KCNH2: variants seen among roughly 807,000 people sequenced by gnomAD.
KCNH2 encodes potassium voltage-gated channel subfamily H member 2, also known as voltage-gated inwardly rectifying potassium channel KCNH2.
Under a neutral mutation model 95.9 loss-of-function variants are expected in KCNH2, and 35 were observed. That is an observed-to-expected ratio of 0.37 (90% CI 0.28 to 0.48). KCNH2 has a LOEUF of 0.48. Among genes scored for constraint, KCNH2 ranks in the 20% least tolerant of loss-of-function variants. The pLI is 0.99. For synonymous variants in KCNH2, 786 were observed against 754.7 expected, an observed-to-expected ratio of 1.04 and a Z score of -0.68; for missense variants, 1,274 against 1,702.9, an observed-to-expected ratio of 0.75 and a Z score of 4.43.
At chr7:150,949,269 G>T in intron 9 of KCNH2, 1 of 1,308,598 alleles carries the variant, frequency 7.6e-7, no homozygotes, top group Non-Finnish European at 1.0e-6. Flanking sequence ...GGAGCCCAGG[G>T]TCTCCCAGCA....
rs186638642 is a variant in KCNH2, at chr7:150,963,491, G to C, written c.308-3755C>G. ...TTGAGACAGAAGAGAGGCAGACAAG[G>C]GTGGAGGGAGCTTAGCAATGAGAGG... On this transcript the variant is annotated intron_variant, in intron 2 of 14. Coordinates refer to ENST00000262186, the MANE Select transcript of KCNH2 (RefSeq NM_000238.4). Among the ~76,000 whole-genome samples, 6 of 152,268 alleles carry C rather than the reference G, an allele frequency of 3.9e-5. 1 individual carries two copies. The highest frequency in any genetic ancestry group is 1.3e-4 in the Admixed American group (2 of 15,304).
rs758146526 is a variant in KCNH2 at position 150,947,534 on chromosome 7, C to G, written c.2966-20G>C. 1.9e-6 allele frequency: 3 copies of G among 1,599,750 alleles called. No homozygotes were observed. The highest frequency in any genetic ancestry group is 2.3e-5 in the South Asian group (2 of 88,790). On this transcript the variant is annotated intron_variant, in intron 12 of 14. Coordinates refer to ENST00000262186, the MANE Select transcript of KCNH2 (RefSeq NM_000238.4). Reference sequence around the variant, plus strand: ...AGGCGCCTGCAGCCAGAGAGCAGAGCTGGGTGAGCGGGGTAGACGCACCAC... The same window carrying G: ...AGGCGCCTGCAGCCAGAGAGCAGAGGTGGGTGAGCGGGGTAGACGCACCAC...
Position 150,954,794 on chromosome 7 carries a change from G to A in KCNH2, c.1129-1941C>T, listed in dbSNP as rs115107008. 4.0e-3 allele frequency among the ~76,000 whole-genome samples: 606 copies of A among 152,326 alleles called. 2 individuals are homozygous for A. Among genetic ancestry groups the A allele is most frequent in the African/African-American group, 0.014 (570 of 41,570 alleles). ...GCCTGCCCCAGGCTGACAGAAGAGCGGCTGGATGGCTCCCAGGAGGTCACA... is the reference window on the plus strand; with the variant it reads ...GCCTGCCCCAGGCTGACAGAAGAGCAGCTGGATGGCTCCCAGGAGGTCACA... On this transcript the variant is annotated intron_variant, in intron 5 of 14. Transcript: ENST00000262186.
Position 150,970,690 on chromosome 7 carries a change from G to A in KCNH2, c.307+4021C>T, listed in dbSNP as rs146163983. ...GCAGGGCCCCCATGGACCCCCGCCC[G>A]CACCTGGCAGCCCTGCAGATTCTCC... is the stretch of plus-strand genomic sequence containing the variant. On this transcript the variant is annotated intron_variant, in intron 2 of 14. Transcript: ENST00000262186. 4.8e-4 allele frequency among the ~76,000 whole-genome samples: 73 copies of A among 152,280 alleles called. 1 individual carries two copies. The East Asian group carries it at 0.011, about 23-fold the overall frequency.
chr7:150,947,651 T>A lies in KCNH2; in HGVS notation c.2920A>T (p.Met974Leu), dbSNP rs1331195699. 6.2e-7 allele frequency: 1 copy of A among 1,611,428 alleles called. No individual in the cohort carries two copies. Among genetic ancestry groups the A allele is most frequent in the Non-Finnish European group, 8.5e-7 (1 of 1,179,094 alleles). ...PGEPPGGEPL[M>L]EDCEKSSDTC... is the part of the protein sequence containing the mutation. ...TCGCTGCTCTTCTCGCAGTCCTCCA[T>A]CAGGGGCTCCCCACCCGGCGGCTCT... The change falls in exon 12 of 15, where the codon ATG becomes TTG. Residue 974 changes from methionine (M) to leucine (L), a missense_variant. Transcript: ENST00000262186.
Position 150,952,807 on chromosome 7 carries a change from G to T in KCNH2, c.1175C>A (p.Ala392Glu). Residue 392 changes from alanine (A) to glutamate (E), a missense_variant, in exon 6 of 15, where the codon GCA becomes GAA. This residue lies in a region of KCNH2 where 392 missense variants were observed against 429.9 expected (regional missense o/e 0.91). Transcript: ENST00000262186. The surrounding 1 kb of genome is among the most constrained non-coding windows in gnomAD (Gnocchi z 7.3). ...GATGGTCCAGCGGTGGATGCGCGGT[G>T]CCTGCAGCTTGTACTCAGGCAGCAC... ...ADVLPEYKLQ[A>E]PRIHRWTILH... 1 of 1,614,042 alleles carries T rather than the reference G, an allele frequency of 6.2e-7. No homozygotes were observed. The highest frequency in any genetic ancestry group is 8.5e-7 in the Non-Finnish European group (1 of 1,180,012).
rs1170402746 is a variant in KCNH2 at position 150,946,710 on chromosome 7, C to T, written c.3330+167G>A. Among the ~76,000 whole-genome samples the T allele has an allele frequency of 6.6e-6, 1 of 152,164 alleles. No homozygotes were observed. Among genetic ancestry groups the T allele is most frequent in the Non-Finnish European group, 1.5e-5 (1 of 68,040 alleles). On this transcript the variant is annotated intron_variant, in intron 14 of 14. Transcript: ENST00000262186. This position sits in a 1 kb window ranked among gnomAD's most constrained non-coding sequence, Gnocchi z 6.5. ...CTCCTGCCCTACCCTGAGCCTGCAG[C>T]TCCTGAAGCAGCCTTCCTCCAGGAG... is the stretch of plus-strand genomic sequence containing the variant.
rs766379103 is a variant in KCNH2, at chr7:150,974,830, G to T, written c.188C>A (p.Pro63His). Residue 63 changes from proline to histidine, a missense_variant, in exon 2 of 15, where the codon CCC becomes CAC. This residue lies in a region of KCNH2 where 85 missense variants were observed against 174.7 expected (regional missense o/e 0.49). Transcript: ENST00000262186. ...CCCGTGCAGGAAGTCGCAGGTGCAG[G>T]GTCGCTGCATCACCTCGGCCCGCGA... ...GYSRAEVMQR[P>H]CTCDFLHGPR... The T allele has an allele frequency of 6.2e-7, 1 of 1,608,318 alleles. No individual in the cohort carries two copies. The highest frequency in any genetic ancestry group is 1.3e-5 in the African/African-American group (1 of 74,786).
At chr7:150,954,352 C>CT (rs1429816483) in intron 5 of KCNH2, among the ~76,000 whole-genome samples, 1 of 152,208 alleles carries the variant, frequency 6.6e-6, no homozygotes, top group East Asian at 1.9e-4. Flanking sequence ...GGGCTCTTCT[C>CT]TGTGCCTGAG....
rs570774269 is a variant in KCNH2, at chr7:150,964,621, T to C, written c.308-4885A>G. On this transcript the variant is annotated intron_variant, in intron 2 of 14. Coordinates refer to ENST00000262186, the MANE Select transcript of KCNH2 (RefSeq NM_000238.4). ...GATGGCTTTGTGGAAGCATCCAGAA[T>C]TCTAACAAGGCGGGGTGCTGGGTCC... Among the ~76,000 whole-genome samples the C allele has an allele frequency of 9.5e-4, 144 of 152,318 alleles. 1 individual carries two copies. Among genetic ancestry groups the C allele is most frequent in the African/African-American group, 3.2e-3 (132 of 41,572 alleles).
At position 150,950,316 on chromosome 7, in the gene KCNH2, G is replaced by A. The variant is rs2116950050; in HGVS notation, c.2250C>T (p.Cys750=). The stretch of plus-strand genomic sequence containing the variant: ...TGAACTTCATGGCCAGGGCCCGAAG[G>A]CAGCCCTTGGTGGCCCCTCGGAAGG... ...CKPFRGATKG[C]LRALAMKFKT... is the part of the protein sequence containing the mutation. The change falls in exon 9 of 15, where the codon TGC becomes TGT. Residue 750 remains cysteine (C), a synonymous_variant. Transcript: ENST00000262186. 6.2e-7 allele frequency: 1 copy of A among 1,613,738 alleles called. No individual in the cohort carries two copies. Among genetic ancestry groups the A allele is most frequent in the East Asian group, 2.2e-5 (1 of 44,872 alleles).
At chr7:150,960,180 C>T (rs944117227) in intron 2 of KCNH2, among the ~76,000 whole-genome samples, 3 of 152,192 alleles carry the variant, frequency 2.0e-5, no homozygotes, top group Admixed American at 6.5e-5. Flanking sequence ...GTTCATAGCC[C>T]GGATCTGCTG....
rs199473025 is a variant in KCNH2 at position 150,947,347 on chromosome 7, G to A, written c.3133C>T (p.Leu1045Phe). 675 of 1,544,104 alleles carry A rather than the reference G, an allele frequency of 4.4e-4. 4 individuals carry two copies. Among genetic ancestry groups the A allele is most frequent in the Non-Finnish European group, 5.1e-5 (59 of 1,146,856 alleles). The change falls in exon 13 of 15, where the codon CTC (leucine) becomes TTC (phenylalanine). Residue 1045 changes from leucine (L) to phenylalanine (F), a missense_variant. By Grantham distance (22) the Leu-to-Phe change is conservative (BLOSUM62 0). This residue lies in a region of KCNH2 where 457 missense variants were observed against 416.1 expected (regional missense o/e 1.10). Coordinates refer to ENST00000262186, the MANE Select transcript of KCNH2 (RefSeq NM_000238.4). The stretch of plus-strand genomic sequence containing the variant: ...CCTCACCTGTTGAGCTGGCGCTGGA[G>A]GGCATCCAGCCTGCTCTCCACGTCG... Reference protein sequence around the residue: ...RGDVESRLDALQRQLNRLETR... With the variant: ...RGDVESRLDAFQRQLNRLETR...
In KCNH2 at chr7:150,958,345, C is replaced by G. The variant is rs1232198370; in HGVS notation, c.630G>C (p.Leu210=). The G allele has an allele frequency of 6.7e-7, 1 of 1,489,016 alleles. No individual in the cohort carries two copies. The highest frequency in any genetic ancestry group is 2.2e-5 in the Admixed American group (1 of 44,542). 92.2% of individuals were successfully genotyped at this position (1,489,016 alleles called of 1,614,324 possible). ...LTPAAPSSES[L]ALDEVTAMDN... is the part of the protein sequence containing the mutation. ...CCATGGCTGTCACTTCGTCCAGGGCCAGCGACTCGCTGCTGGGTGCCGCGG... is the reference window on the plus strand; with the variant it reads ...CCATGGCTGTCACTTCGTCCAGGGCGAGCGACTCGCTGCTGGGTGCCGCGG... Residue 210 remains leucine (L), a synonymous_variant, in exon 4 of 15, where the codon CTG becomes CTC. Transcript: ENST00000262186.
At chr7:150,950,829 G>A (rs1194823591) in intron 8 of KCNH2, 92 bp downstream of exon 8, 66 of 1,347,432 alleles carry the variant, frequency 4.9e-5, no homozygotes, top group South Asian at 4.0e-4. Flanking sequence ...GACTGTGACC[G>A]CCTGAGACTT....
chr7:150,949,097 C>T (rs748403484), intron 9 of KCNH2, 48 bp from the exon 10 acceptor site: 1 of 1,550,930 alleles, frequency 6.4e-7, no homozygotes, highest in East Asian at 2.3e-5. Context: ...GGGGCGGCAT[C>T]CAGGCAGCAG....
intron 5 of KCNH2, chr7:150,955,887 G>A (rs1801359866): frequency 3.2e-5 from 28 of 868,566 alleles, no homozygotes; most frequent in Admixed American, 2.6e-4. Flanking sequence ...CCGCCCCGCC[G>A]GTGCCCAGCC....
chr7:150,952,839 G>C lies in KCNH2; in HGVS notation c.1143C>G (p.Gly381=), dbSNP rs1452623581. Residue 381 remains glycine, a synonymous_variant, in exon 6 of 15, where the codon GGC becomes GGG. Coordinates refer to ENST00000262186, the MANE Select transcript of KCNH2 (RefSeq NM_000238.4). This position sits in a 1 kb window ranked among gnomAD's most constrained non-coding sequence, Gnocchi z 7.3. ...GCTTGTACTCAGGCAGCACGTCGGC[G>C]CCCAGGGACAGGACCTGCACCCGGG... is the stretch of plus-strand genomic sequence containing the variant. The part of the protein sequence containing the change: ...TEKVTQVLSL[G]ADVLPEYKLQ... 1 of 1,613,606 alleles carries C rather than the reference G, an allele frequency of 6.2e-7. No homozygotes were observed. The highest frequency in any genetic ancestry group is 8.5e-7 in the Non-Finnish European group (1 of 1,179,970).
At chr7:150,957,749 C>A (rs1801425963) in intron 4 of KCNH2, among the ~76,000 whole-genome samples, 1 of 152,208 alleles carries the variant, frequency 6.6e-6, no homozygotes, top group Admixed American at 6.5e-5. Flanking sequence ...CGCTGGCAGG[C>A]AGGGGGCCAG....
Sources: allele counts gnomAD v4.1 joint callset (sites outside exome capture counted in the v4.1 genomes callset), GRCh38; gene constraint gnomAD v4.1.1; regional missense constraint gnomAD v4.1.1; non-coding constraint Gnocchi (gnomAD v3.1); transcripts MANE v1.5; gene names NCBI Gene and HGNC (gene_info 2026-07-23, HGNC 2026-07-21).